POR: variants seen among roughly 807,000 people sequenced by gnomAD.
The protein encoded by POR is NADPH--cytochrome P450 reductase.
POR carries 56 observed loss-of-function variants against 84.0 expected under a neutral mutation model. The observed-to-expected ratio is 0.67, with a 90% confidence interval of 0.54 to 0.83. The LOEUF is 0.83. Ranked by LOEUF, POR falls within the 40% of genes least tolerant of loss-of-function variation. The pLI is 0.00. For synonymous variants in POR, 414 were observed against 400.5 expected (o/e 1.03, Z -0.40); for missense variants, 938 against 944.3 (o/e 0.99, Z 0.09).
At chr7:75,940,661 G>C (rs1331635198) in intron 1 of POR, among the ~76,000 whole-genome samples, 1 of 151,940 alleles carries the variant, frequency 6.6e-6, no homozygotes, top group African/African-American at 2.4e-5. Context: ...GCAGGCGCCT[G>C]TAGTCCCAGC....
In POR at chr7:75,981,713, A is replaced by G. The variant is rs1189145892; in HGVS notation, c.731+107A>G. 11 of 914,978 alleles carry G rather than the reference A, an allele frequency of 1.2e-5. No homozygotes were observed. The Admixed American group carries it at 2.5e-4, about 20-fold the overall frequency. 56.7% of individuals were successfully genotyped at this position (914,978 alleles called of 1,614,324 possible). A position where few individuals can be genotyped will look rare whatever the true frequency, so the allele number is the denominator to read the frequency against. On this transcript the variant is annotated intron_variant, in intron 7 of 15. Coordinates refer to ENST00000461988, the MANE Select transcript of POR (RefSeq NM_000941.3). ...GTGGGTCGCAGCAAGGTTAGAAGAC[A>G]CTCCGTCATAGGGTCGAGGAGGGAC...
At chr7:75,981,203 G>A (rs113107219) in intron 6 of POR, 31 bp downstream of exon 6, 30 of 1,509,650 alleles carry the variant, frequency 2.0e-5, no homozygotes, top group Admixed American at 4.3e-5. Flanking sequence ...CATGATCAGC[G>A]CGGCGGGCTT....
Position 75,983,585 on chromosome 7 carries a change from C to G in POR, c.896C>G (p.Thr299Ser), listed in dbSNP as rs1554558465. The change falls in exon 9 of 16, where the codon ACC becomes AGC. Residue 299 changes from threonine to serine, a missense_variant. Coordinates refer to ENST00000461988, the MANE Select transcript of POR (RefSeq NM_000941.3). ...ACCAACCGGAAGCTGAACCAGGGAA[C>G]CGAGCGCCACCTCATGCACCTGGAA... The G allele has an allele frequency of 6.2e-7, 1 of 1,613,140 alleles. No homozygotes were observed. Among genetic ancestry groups the G allele is most frequent in the Middle Eastern group, 1.7e-4 (1 of 6,060 alleles).
intron 1 of POR, among the ~76,000 whole-genome samples, chr7:75,931,570 C>T (rs1585088938): frequency 6.6e-6 from 1 of 151,698 alleles, no homozygotes; most frequent in Non-Finnish European, 1.5e-5. Context: ...GGTTTCACCA[C>T]GTTGGACAGG....
intron 2 of POR, among the ~76,000 whole-genome samples, chr7:75,964,495 A>G (rs1322434054): frequency 6.6e-6 from 1 of 151,698 alleles, no homozygotes; most frequent in Non-Finnish European, 1.5e-5. Context: ...TTTAGTAGAG[A>G]CGGGGTTTCA....
rs530847982 is a variant in POR, at chr7:75,953,865, C to T, written c.-4-124C>T. 16 of 728,860 alleles carry T rather than the reference C, an allele frequency of 2.2e-5. No homozygotes were observed. In the South Asian group the frequency reaches 2.5e-4, roughly 11 times the overall value. The allele number at this position is 728,860 out of a possible 1,614,324, so 45.1% of individuals were successfully genotyped here. On this transcript the variant is annotated intron_variant, in intron 1 of 15. Transcript: ENST00000461988. ...TGGCTGAGTGAGCCCCTTCTCCTACCCCGTGCAGTGACCATTTCCTGCAGC... is the reference window on the plus strand; with the variant it reads ...TGGCTGAGTGAGCCCCTTCTCCTACTCCGTGCAGTGACCATTTCCTGCAGC...
intron 2 of POR, among the ~76,000 whole-genome samples, chr7:75,960,344 C>T (rs920039545): frequency 6.6e-6 from 1 of 151,880 alleles, no homozygotes; most frequent in African/African-American, 2.4e-5. Flanking sequence ...CTTTCACGTC[C>T]ACTCCCACTC....
chr7:75,975,211 T>C (rs1466137316), intron 3 of POR, among the ~76,000 whole-genome samples: 1 of 152,164 alleles, frequency 6.6e-6, no homozygotes, highest in Non-Finnish European at 1.5e-5. Context: ...AAATTTAAAA[T>C]CTGATCTATT....
rs781928429 is a variant in POR at position 75,986,628 on chromosome 7, C to CT, written c.*148dup. On this transcript the variant is annotated 3_prime_UTR_variant, in exon 16 of 16. Transcript: ENST00000461988. ...GACTCCTCTGGGCCTGGGGTGCATCCTCCTCAGCCCCCAGGCCAGGTGAGG... is the reference window on the plus strand; with the variant it reads ...GACTCCTCTGGGCCTGGGGTGCATCCTTCCTCAGCCCCCAGGCCAGGTGAGG... The CT allele has an allele frequency of 9.8e-7, 1 of 1,019,484 alleles. No homozygotes were observed. 63.2% of individuals were successfully genotyped at this position (1,019,484 alleles called of 1,614,324 possible).
rs781833194 is a variant in POR at position 75,954,034 on chromosome 7, C to T, written c.42C>T (p.Thr14=). Residue 14 remains threonine, a synonymous_variant, in exon 2 of 16, where the codon ACC becomes ACT. Transcript: ENST00000461988. Reference sequence around the variant, plus strand: ...ACTCCCACGTGGACACCAGCTCCACCGTGTCCGAGGCGGTGGCCGAAGAAG... The same window carrying T: ...ACTCCCACGTGGACACCAGCTCCACTGTGTCCGAGGCGGTGGCCGAAGAAG... The T allele has an allele frequency of 1.3e-5, 21 of 1,608,948 alleles. No individual in the cohort carries two copies. The highest frequency in any genetic ancestry group is 3.3e-5 in the South Asian group (3 of 90,052).
chr7:75,982,937 T>C (rs1239888103), intron 8 of POR, among the ~76,000 whole-genome samples: 1 of 152,208 alleles, frequency 6.6e-6, no homozygotes, highest in Non-Finnish European at 1.5e-5. Flanking sequence ...TTCCAGCCTG[T>C]GGCACCGTCA....
intron 7 of POR, 134 bp downstream of exon 7, chr7:75,981,740 T>TCGAG: frequency 5.3e-6 from 4 of 757,558 alleles, no homozygotes; most frequent in Non-Finnish European, 8.4e-6. Flanking sequence ...AGGAGGGACC[T>TCGAG]TGGTCCCAGC....
At chr7:75,923,112 A>C in intron 1 of POR, 1 of 820,248 alleles carries the variant, frequency 1.2e-6, no homozygotes, top group Non-Finnish European at 2.1e-6. Flanking sequence ...ATAGTATGTA[A>C]CCTTATGTGA....
chr7:75,954,664 C>T (rs989864396), intron 2 of POR, among the ~76,000 whole-genome samples: 12 of 151,128 alleles, frequency 7.9e-5, no homozygotes, highest in Non-Finnish European at 1.0e-4. Flanking sequence ...CTCAGCCTCC[C>T]GAGTAGCTGG....
intron 1 of POR, chr7:75,918,609 A>G (rs1352615455): frequency 1.3e-5 from 2 of 152,150 alleles, no homozygotes; most frequent in African/African-American, 4.8e-5. Flanking sequence ...AAAAGCACAC[A>G]TCCGGCCTTA....
intron 1 of POR, among the ~76,000 whole-genome samples, chr7:75,929,700 A>G (rs1807317743): frequency 6.6e-6 from 1 of 152,236 alleles, no homozygotes; most frequent in Middle Eastern, 3.4e-3. Context: ...CATTAGTACC[A>G]TTGTTCCCTG....
chr7:75,949,539 C>G (rs1172363842), intron 1 of POR, among the ~76,000 whole-genome samples: 1 of 151,692 alleles, frequency 6.6e-6, no homozygotes, highest in African/African-American at 2.4e-5. Flanking sequence ...GAGTCTCACT[C>G]TGTTCTCCAG....
Position 75,918,454 on chromosome 7 carries a change from A to T in POR, c.-5+3275A>T, listed in dbSNP as rs140198675. Among the ~76,000 whole-genome samples the T allele has an allele frequency of 6.6e-3, 1,012 of 152,264 alleles. 7 individuals carry two copies. Among genetic ancestry groups the T allele is most frequent in the Middle Eastern group, 0.024 (7 of 294 alleles). On this transcript the variant is annotated intron_variant, in intron 1 of 15. Transcript: ENST00000461988. ...CTTGCATAGGCCGCTGACCTATACC[A>T]AGCCTTAGTTTCTTCATCACTAAAG...
At chr7:75,975,197 T>C (rs1788623388) in intron 3 of POR, among the ~76,000 whole-genome samples, 1 of 152,152 alleles carries the variant, frequency 6.6e-6, no homozygotes, top group Non-Finnish European at 1.5e-5. Flanking sequence ...GTTTTTCATA[T>C]TCAAAATTTA....
Sources: gnomAD v4.1 joint callset for allele counts (sites outside exome capture counted in the v4.1 genomes callset) on GRCh38, gnomAD v4.1.1 for gene constraint, MANE v1.5 for transcripts, NCBI Gene and HGNC (gene_info 2026-07-23, HGNC 2026-07-21) for gene names.